CTNND2: variants seen among roughly 807,000 people sequenced by gnomAD.
The protein encoded by CTNND2 is catenin delta-2.
Under a neutral mutation model 144.4 loss-of-function variants are expected in CTNND2, and 22 were observed. That is an observed-to-expected ratio of 0.15 (90% CI 0.11 to 0.22). CTNND2 has a LOEUF of 0.22. Among genes scored for constraint, CTNND2 ranks in the 10% least tolerant of loss-of-function variants. The pLI, the probability that CTNND2 is intolerant of heterozygous loss-of-function variation, is 1.00. For synonymous variants in CTNND2, 751 were observed against 695.6 expected (o/e 1.08, Z -1.25); for missense variants, 1,353 against 1,618.8 (o/e 0.84, Z 2.82).
intron 11 of CTNND2, among the ~76,000 whole-genome samples, chr5:11,165,075 T>C (rs1219300645): frequency 2.0e-5 from 3 of 152,236 alleles, no homozygotes; most frequent in African/African-American, 7.2e-5. Context: ...GTAAGTATTA[T>C]AGCGTTAGCA....
At chr5:11,250,477 CTCTCTCTCTCTCTCTATATA>C (rs1448302404) in intron 9 of CTNND2, among the ~76,000 whole-genome samples, 3 of 63,120 alleles carry the variant, frequency 4.8e-5, no homozygotes, top group African/African-American at 2.9e-4. Context: ...CTCTCTCTCT[CTCTCTCTCTCTCTCTATATA>C]TATATATATA....
chr5:11,623,802 GTGTA>G (rs1180228319), intron 2 of CTNND2, among the ~76,000 whole-genome samples: 27 of 38,546 alleles, frequency 7.0e-4, no homozygotes, highest in African/African-American at 1.7e-3. Flanking sequence ...ATATATATGT[GTGTA>G]TGTATATATA....
chr5:11,399,536 T>C (rs1436554566), intron 5 of CTNND2, among the ~76,000 whole-genome samples: 1 of 152,242 alleles, frequency 6.6e-6, no homozygotes. Context: ...TTACAAATGC[T>C]GTCTGTACAG....
chr5:11,142,201 A>C (rs1756801485), intron 12 of CTNND2, among the ~76,000 whole-genome samples: 1 of 152,244 alleles, frequency 6.6e-6, no homozygotes, highest in Non-Finnish European at 1.5e-5. Flanking sequence ...AATAGATGAT[A>C]ACTTGCTCAA....
chr5:11,641,768 GTATA>G (rs1561649052), intron 2 of CTNND2, among the ~76,000 whole-genome samples: 40 of 145,570 alleles, frequency 2.7e-4, no homozygotes, highest in African/African-American at 9.8e-4. Context: ...ATACATATAC[GTATA>G]TGTATGTACA....
Position 11,903,957 on chromosome 5 carries a change from C to T in CTNND2, c.-104G>A. 8.0e-7 allele frequency: 1 copy of T among 1,246,696 alleles called. No homozygotes were observed. Among genetic ancestry groups the T allele is most frequent in the Non-Finnish European group, 1.0e-6 (1 of 982,872 alleles). The allele number at this position is 1,246,696 out of a possible 1,614,324, so 77.2% of individuals were successfully genotyped here. On this transcript the variant is annotated 5_prime_UTR_variant, in exon 1 of 22. Coordinates refer to ENST00000304623, the MANE Select transcript of CTNND2 (RefSeq NM_001332.4). The surrounding 1 kb of genome is among the most constrained non-coding windows in gnomAD (Gnocchi z 5.4). ...CCTTGCCCAACTGCAGCATCTTCCG[C>T]TTTTGTTGTCTGAGCGCGGCCGCGG...
At chr5:11,070,692 T>TC (rs1449213709) in intron 16 of CTNND2, among the ~76,000 whole-genome samples, 1 of 108,854 alleles carries the variant, frequency 9.2e-6, no homozygotes, top group Non-Finnish European at 2.5e-5. Flanking sequence ...TTTGAAGTGC[T>TC]GAAAAAAATT....
At chr5:11,129,221 TATA>T (rs1238449259) in intron 12 of CTNND2, among the ~76,000 whole-genome samples, 1 of 33,782 alleles carries the variant, frequency 3.0e-5, no homozygotes, top group African/African-American at 1.1e-4. Flanking sequence ...ATATATTATA[TATA>T]AATATATATT....
At chr5:11,432,521 T>G (rs990977825) in intron 3 of CTNND2, among the ~76,000 whole-genome samples, 4 of 152,190 alleles carry the variant, frequency 2.6e-5, no homozygotes, top group Non-Finnish European at 5.9e-5. Context: ...TACAGCTAGG[T>G]GTGCATGACT....
At chr5:11,350,002 T>C (rs1256478645) in intron 8 of CTNND2, among the ~76,000 whole-genome samples, 2 of 152,144 alleles carry the variant, frequency 1.3e-5, no homozygotes, top group Non-Finnish European at 2.9e-5. Flanking sequence ...TCGGGCGTGG[T>C]GGCACGTGCC....
At chr5:11,079,264 C>T (rs928213792) in intron 16 of CTNND2, among the ~76,000 whole-genome samples, 1 of 121,712 alleles carries the variant, frequency 8.2e-6, no homozygotes, top group Non-Finnish European at 1.6e-5. Context: ...CCAAGATCAC[C>T]TGCACCCTTG....
intron 16 of CTNND2, among the ~76,000 whole-genome samples, chr5:11,024,187 C>T (rs745847510): frequency 6.6e-6 from 1 of 152,172 alleles, no homozygotes; most frequent in Non-Finnish European, 1.5e-5. Flanking sequence ...GGCAGTGATA[C>T]ATAAAACACA....
chr5:11,136,829 A>G (rs1223116196), intron 12 of CTNND2, among the ~76,000 whole-genome samples: 1 of 152,226 alleles, frequency 6.6e-6, no homozygotes, highest in Non-Finnish European at 1.5e-5. Flanking sequence ...GTAAAACTCA[A>G]AGGCACATGC....
At chr5:11,490,808 G>T (rs1006682438) in intron 3 of CTNND2, among the ~76,000 whole-genome samples, 48 of 152,036 alleles carry the variant, frequency 3.2e-4, no homozygotes, top group African/African-American at 1.1e-3. Context: ...GATAAAATAT[G>T]CCAAATAATT....
intron 3 of CTNND2, among the ~76,000 whole-genome samples, chr5:11,556,164 C>A (rs1160068938): frequency 6.6e-6 from 1 of 151,972 alleles, no homozygotes; most frequent in Non-Finnish European, 1.5e-5. Context: ...AAAAAATGAT[C>A]CAAAAGCAAT....
At chr5:11,333,578 T>C (rs1194506952) in intron 9 of CTNND2, among the ~76,000 whole-genome samples, 1 of 152,160 alleles carries the variant, frequency 6.6e-6, no homozygotes, top group Non-Finnish European at 1.5e-5. Flanking sequence ...AGATCAGACA[T>C]AACAAATCAT....
rs58893430 is a variant in CTNND2, at chr5:11,895,242, G to A, written c.37+8575C>T. 3.8e-3 allele frequency among the ~76,000 whole-genome samples: 581 copies of A among 152,254 alleles called. 4 individuals carry two copies. Among genetic ancestry groups the A allele is most frequent in the African/African-American group, 0.013 (547 of 41,540 alleles). On this transcript the variant is annotated intron_variant, in intron 1 of 21. Coordinates refer to ENST00000304623, the MANE Select transcript of CTNND2 (RefSeq NM_001332.4). ...GTGATCCTGGAGTCTGTGCAGGTGC[G>A]TTTATGCTTCATGTGGGAAAAGCAA...
At position 11,384,554 on chromosome 5, in the gene CTNND2, A is replaced by T; in HGVS notation, c.1177+111T>A. 2 of 988,126 alleles carry T rather than the reference A, an allele frequency of 2.0e-6. No individual in the cohort carries two copies. Among genetic ancestry groups the T allele is most frequent in the Non-Finnish European group, 2.9e-6 (2 of 688,014 alleles). The allele number at this position is 988,126 out of a possible 1,614,324, so 61.2% of individuals were successfully genotyped here. A position where few individuals can be genotyped will look rare whatever the true frequency, so the allele number is the denominator to read the frequency against. ...GCGTTCTCTGTCTCCTGCAACTACT[A>T]CAACCTGGCAGACAGCGCGCCCGGC... On this transcript the variant is annotated intron_variant, in intron 7 of 21. Coordinates refer to ENST00000304623, the MANE Select transcript of CTNND2 (RefSeq NM_001332.4). The surrounding 1 kb of genome is among the most constrained non-coding windows in gnomAD (Gnocchi z 5.2).
chr5:11,850,212 T>C (rs1194945429), intron 1 of CTNND2, among the ~76,000 whole-genome samples: 1 of 152,024 alleles, frequency 6.6e-6, no homozygotes, highest in African/African-American at 2.4e-5. Flanking sequence ...CAAAGGCACA[T>C]GAACACCATC....
Sources: allele counts gnomAD v4.1 joint callset (sites outside exome capture counted in the v4.1 genomes callset), GRCh38; gene constraint gnomAD v4.1.1; non-coding constraint Gnocchi (gnomAD v3.1); transcripts MANE v1.5; gene names NCBI Gene and HGNC (gene_info 2026-07-23, HGNC 2026-07-21).